Variants in DYNC2H1 observed in about 807,000 individuals in gnomAD.
DYNC2H1 encodes cytoplasmic dynein 2 heavy chain 1.
DYNC2H1 carries 410 observed loss-of-function variants against 570.0 expected under a neutral mutation model. The ratio of observed to expected loss-of-function variants is 0.72; its 90% CI spans 0.66 to 0.78. DYNC2H1 has a LOEUF of 0.78. Ranked by LOEUF, DYNC2H1 falls within the 30% of genes least tolerant of loss-of-function variation. The pLI, the probability that DYNC2H1 is intolerant of heterozygous loss-of-function variation, is 0.00. For synonymous variants in DYNC2H1, 1,688 were observed against 1,677.6 expected, an observed-to-expected ratio of 1.01 and a Z score of -0.15; for missense variants, 4,865 against 5,046.4, an observed-to-expected ratio of 0.96 and a Z score of 1.09.
chr11:103,154,457 T>C lies in DYNC2H1; in HGVS notation c.3309T>C (p.Asp1103=). 6.5e-7 allele frequency: 1 copy of C among 1,533,448 alleles called. No homozygotes were observed. Among genetic ancestry groups the C allele is most frequent in the East Asian group, 2.4e-5 (1 of 41,376 alleles). The allele number at this position is 1,533,448 out of a possible 1,614,324, so 95.0% of individuals were successfully genotyped here. A position where few individuals can be genotyped will look rare whatever the true frequency, so the allele number is the denominator to read the frequency against. ...TCAATATTTGTTTCTATAGTGATGA[T>C]TGCCATCATTTTAGACTGGAAGAGC... ...LEVTRKKLVD[D]CHHFRLEEPN... is the part of the protein sequence containing the mutation. Residue 1103 remains aspartate (D), a synonymous_variant, in exon 23 of 89, where the codon GAT becomes GAC. Transcript: ENST00000375735.
chr11:103,409,034 A>C (rs10895423), intron 84 of DYNC2H1, among the ~76,000 whole-genome samples: 8,084 of 152,110 alleles, frequency 0.053, 268 homozygotes, highest in Non-Finnish European at 0.077. Flanking sequence ...CTATTTAGAG[A>C]ACAAGTGATT....
rs1230447509 is a variant in DYNC2H1, at chr11:103,203,323, G to A, written c.8198-340G>A. 3.3e-5 allele frequency among the ~76,000 whole-genome samples: 5 copies of A among 152,128 alleles called. No individual in the cohort carries two copies. Among genetic ancestry groups the A allele is most frequent in the African/African-American group, 1.2e-4 (5 of 41,430 alleles). On this transcript the variant is annotated intron_variant, in intron 50 of 88. Coordinates refer to ENST00000375735, the MANE Select transcript of DYNC2H1 (RefSeq NM_001377.3). This position sits in a 1 kb window ranked among gnomAD's most constrained non-coding sequence, Gnocchi z 4.7. Reference sequence around the variant, plus strand: ...ATTGGGTATCAAGATAAGGGGCAGAGGATGACTGTAAGTATACATTCCAAG... The same window carrying A: ...ATTGGGTATCAAGATAAGGGGCAGAAGATGACTGTAAGTATACATTCCAAG...
At chr11:103,447,436 T>G (rs971677581) in intron 85 of DYNC2H1, among the ~76,000 whole-genome samples, 1 of 152,182 alleles carries the variant, frequency 6.6e-6, no homozygotes, top group Non-Finnish European at 1.5e-5. Flanking sequence ...TCAAATCCTT[T>G]GTACAGCTTG....
At chr11:103,467,228 G>C (rs1355288322) in intron 87 of DYNC2H1, among the ~76,000 whole-genome samples, 2 of 152,102 alleles carry the variant, frequency 1.3e-5, no homozygotes, top group African/African-American at 4.8e-5. Context: ...TATCCCATTA[G>C]TCATATAGTA....
chr11:103,255,316 T>C, intron 66 of DYNC2H1, 99 bp from the exon 67 acceptor site: 2 of 1,291,060 alleles, frequency 1.5e-6, no homozygotes, highest in Non-Finnish European at 2.1e-6. Flanking sequence ...TAGTATCATA[T>C]TTGTAATAGT....
chr11:103,250,008 C>T (rs1864769139), intron 65 of DYNC2H1, among the ~76,000 whole-genome samples: 1 of 152,058 alleles, frequency 6.6e-6, no homozygotes, highest in South Asian at 2.1e-4. Context: ...TTTGTACTGA[C>T]ATAATGCACA....
chr11:103,390,283 G>A (rs947490660), intron 83 of DYNC2H1, among the ~76,000 whole-genome samples: 3 of 151,016 alleles, frequency 2.0e-5, no homozygotes, highest in Admixed American at 2.0e-4. Context: ...ATCTTTGTTG[G>A]CTTAAAGTCT....
In DYNC2H1 at chr11:103,133,884, C is replaced by T. The variant is rs546970617; in HGVS notation, c.2106+177C>T. On this transcript the variant is annotated intron_variant, in intron 14 of 88. Coordinates refer to ENST00000375735, the MANE Select transcript of DYNC2H1 (RefSeq NM_001377.3). The surrounding 1 kb of genome is among the most constrained non-coding windows in gnomAD (Gnocchi z 4.8). ...CCCTGTTGTTAACAACTTATATAAC[C>T]GGAGTAGTTATCAAAACCAGGAAAA... is the stretch of plus-strand genomic sequence containing the variant. 3.9e-5 allele frequency among the ~76,000 whole-genome samples: 6 copies of T among 152,114 alleles called. No homozygotes were observed. The highest frequency in any genetic ancestry group is 2.0e-4 in the Admixed American group (3 of 15,288).
At chr11:103,359,780 T>C (rs112413608) in intron 83 of DYNC2H1, among the ~76,000 whole-genome samples, 6 of 151,364 alleles carry the variant, frequency 4.0e-5, no homozygotes, top group Non-Finnish European at 8.8e-5. Context: ...TTCTCCTGCC[T>C]CAGCCACCCG....
Position 103,156,421 on chromosome 11 carries a change from A to G in DYNC2H1, c.3778A>G (p.Ile1260Val), listed in dbSNP as rs769210902. The change falls in exon 26 of 89, where the codon ATC becomes GTC. Residue 1260 changes from isoleucine (I) to valine (V), a missense_variant. Coordinates refer to ENST00000375735, the MANE Select transcript of DYNC2H1 (RefSeq NM_001377.3). ...LNSRAQGEVT[I>V]REALRELDLW... ...TAGTCGGGCACAAGGTGAAGTTACA[A>G]TCAGAGAAGCTTTACGTGAACTTGA... The G allele has an allele frequency of 1.4e-5, 22 of 1,613,528 alleles. No individual in the cohort carries two copies. In the South Asian group the frequency reaches 2.2e-4, roughly 16 times the overall value.
intron 17 of DYNC2H1, among the ~76,000 whole-genome samples, chr11:103,138,566 C>G (rs1414985160): frequency 1.3e-5 from 2 of 152,180 alleles, no homozygotes; most frequent in Non-Finnish European, 2.9e-5. Context: ...ATGAAGCCCA[C>G]TTGATCATGG....
At chr11:103,424,280 C>T (rs1390092207) in intron 84 of DYNC2H1, among the ~76,000 whole-genome samples, 1 of 151,936 alleles carries the variant, frequency 6.6e-6, no homozygotes, top group Non-Finnish European at 1.5e-5. Flanking sequence ...TTTTAAATCA[C>T]AATGAGATAG....
In DYNC2H1 at chr11:103,125,111, G is replaced by A. The variant is rs377679249; in HGVS notation, c.1673G>A (p.Ser558Asn). The A allele has an allele frequency of 9.3e-6, 15 of 1,612,010 alleles. No homozygotes were observed. The highest frequency in any genetic ancestry group is 1.3e-5 in the Non-Finnish European group (15 of 1,178,678). The change falls in exon 12 of 89, where the codon AGT (serine) becomes AAT (asparagine). Residue 558 changes from serine (S) to asparagine (N), a missense_variant. Physicochemically the swap from Ser to Asn is conservative, Grantham distance 46. This residue lies in a region of DYNC2H1 where 1,936 missense variants were observed against 1,962.1 expected (regional missense o/e 0.99). Coordinates refer to ENST00000375735, the MANE Select transcript of DYNC2H1 (RefSeq NM_001377.3). ...ATTTTGTTTTATAGTATTGAGGCTAGTAGTCGAATTATGGAATTGGATTCT... is the reference window on the plus strand; with the variant it reads ...ATTTTGTTTTATAGTATTGAGGCTAATAGTCGAATTATGGAATTGGATTCT... ...DSRSGLCIEA[S>N]SRIMELDSND...
intron 84 of DYNC2H1, among the ~76,000 whole-genome samples, chr11:103,433,832 A>G (rs1358533301): frequency 6.6e-6 from 1 of 152,142 alleles, no homozygotes; most frequent in African/African-American, 2.4e-5. Flanking sequence ...TCTAAAGACC[A>G]GTGAACTACA....
chr11:103,304,792 A>C (rs1240200506), intron 77 of DYNC2H1, 72 bp downstream of exon 77: 22 of 1,379,230 alleles, frequency 1.6e-5, no homozygotes, highest in Non-Finnish European at 2.1e-5. Context: ...CATCAGTATT[A>C]AAATGTCATG....
rs745882724 is a variant in DYNC2H1, at chr11:103,184,978, A to G, written c.6560A>G (p.Glu2187Gly). Residue 2187 changes from glutamate to glycine, a missense_variant, in exon 41 of 89, where the codon GAA becomes GGA. Glu to Gly is a moderately conservative substitution (Grantham distance 98, BLOSUM62 -2). This residue lies in a region of DYNC2H1 where 231 missense variants were observed against 310.3 expected (regional missense o/e 0.74). Coordinates refer to ENST00000375735, the MANE Select transcript of DYNC2H1 (RefSeq NM_001377.3). The part of the protein sequence containing the change: ...SHLHGCRDHD[E>G]FIINLIRGLG... ...CTACATGGTTGCAGAGATCATGACGAATTCATTATTAATCTCATAAGGGGA... is the reference window on the plus strand; with the variant it reads ...CTACATGGTTGCAGAGATCATGACGGATTCATTATTAATCTCATAAGGGGA... 1.2e-6 allele frequency: 2 copies of G among 1,611,152 alleles called. No homozygotes were observed. Among genetic ancestry groups the G allele is most frequent in the East Asian group, 4.5e-5 (2 of 44,704 alleles).
intron 83 of DYNC2H1, among the ~76,000 whole-genome samples, chr11:103,381,310 CAT>C (rs910211655): frequency 2.4e-4 from 36 of 152,226 alleles, no homozygotes; most frequent in East Asian, 1.5e-3. Context: ...GTTTTTGAAA[CAT>C]GTGGACTTTT....
chr11:103,290,206 A>C (rs953649374), intron 75 of DYNC2H1, among the ~76,000 whole-genome samples: 1 of 152,138 alleles, frequency 6.6e-6, no homozygotes, highest in East Asian at 1.9e-4. Context: ...GGGGGGAGAC[A>C]CAATTTAACC....
rs1323753948 is a variant in DYNC2H1 at position 103,252,123 on chromosome 11, C to T, written c.10043-1162C>T. Among the ~76,000 whole-genome samples the T allele has an allele frequency of 3.4e-5, 5 of 149,178 alleles. No individual in the cohort carries two copies. The highest frequency in any genetic ancestry group is 2.1e-4 in the South Asian group (1 of 4,714). On this transcript the variant is annotated intron_variant, in intron 65 of 88. Transcript: ENST00000375735. This position sits in a 1 kb window ranked among gnomAD's most constrained non-coding sequence, Gnocchi z 4.6. Reference sequence around the variant, plus strand: ...ACATTTTTTTTTTTTTTTGCAAAGACGAGGTCTCAGTATGTTTCCCAGATG... The same window carrying T: ...ACATTTTTTTTTTTTTTTGCAAAGATGAGGTCTCAGTATGTTTCCCAGATG...
Sources: allele counts gnomAD v4.1 joint callset (sites outside exome capture counted in the v4.1 genomes callset), GRCh38; gene constraint gnomAD v4.1.1; regional missense constraint gnomAD v4.1.1; non-coding constraint Gnocchi (gnomAD v3.1); transcripts MANE v1.5; gene names NCBI Gene and HGNC (gene_info 2026-07-23, HGNC 2026-07-21).